The following PHACTR1 variants were observed in gnomAD, a reference collection of about 807,000 sequenced individuals.
PHACTR1 encodes phosphatase and actin regulator 1.
PHACTR1 carries 16 observed loss-of-function variants against 69.2 expected under a neutral mutation model. The observed-to-expected ratio is 0.23, with a 90% CI of 0.16 to 0.35. The LOEUF (loss-of-function observed/expected upper bound fraction) is 0.35. Among genes scored for constraint, PHACTR1 ranks in the 10% least tolerant of loss-of-function variants. The pLI is 1.00. For synonymous variants in PHACTR1, 312 were observed against 284.5 expected (o/e 1.10, Z -0.97); for missense variants, 510 against 734.7 (o/e 0.69, Z 3.54).
At chr6:12,803,692 G>A (rs1773963865) in intron 4 of PHACTR1, among the ~76,000 whole-genome samples, 1 of 152,102 alleles carries the variant, frequency 6.6e-6, no homozygotes, top group African/African-American at 2.4e-5. Flanking sequence ...CTCAACTTTG[G>A]CACTATTGAC....
intron 4 of PHACTR1, among the ~76,000 whole-genome samples, chr6:12,899,104 G>A (rs11751243): frequency 0.02 from 3,074 of 152,236 alleles, 48 homozygotes; most frequent in Middle Eastern, 0.041. Context: ...GCACCTGTGC[G>A]TGCTTCCCTC....
At chr6:13,120,426 G>T (rs73723388) in intron 5 of PHACTR1, among the ~76,000 whole-genome samples, 2 of 152,202 alleles carry the variant, frequency 1.3e-5, no homozygotes, top group Admixed American at 6.5e-5. Context: ...GGAAAATGAT[G>T]ATCTTAAATG....
At chr6:13,098,142 A>G (rs1290856862) in intron 5 of PHACTR1, among the ~76,000 whole-genome samples, 1 of 152,176 alleles carries the variant, frequency 6.6e-6, no homozygotes, top group Non-Finnish European at 1.5e-5. Context: ...GGCTACTAGT[A>G]GTTTCACCTC....
chr6:13,140,552 T>C (rs753679016), intron 5 of PHACTR1, among the ~76,000 whole-genome samples: 1 of 152,168 alleles, frequency 6.6e-6, no homozygotes, highest in Non-Finnish European at 1.5e-5. Flanking sequence ...ACAAATACTG[T>C]ATGATTCCAC....
At chr6:13,041,861 C>A (rs1804231861) in intron 4 of PHACTR1, among the ~76,000 whole-genome samples, 1 of 152,150 alleles carries the variant, frequency 6.6e-6, no homozygotes, top group Non-Finnish European at 1.5e-5. Context: ...TGGACCACGG[C>A]AACTTTGTGT....
chr6:12,925,298 C>T (rs967112753), intron 4 of PHACTR1, among the ~76,000 whole-genome samples: 1 of 152,122 alleles, frequency 6.6e-6, no homozygotes, highest in African/African-American at 2.4e-5. Context: ...AAATTTTTTT[C>T]TGCCATCTTT....
chr6:13,064,877 A>G (rs1157137870), intron 5 of PHACTR1, among the ~76,000 whole-genome samples: 1 of 151,932 alleles, frequency 6.6e-6, no homozygotes, highest in Non-Finnish European at 1.5e-5. Context: ...TAACTAATAT[A>G]TAGGAATAGA....
intron 4 of PHACTR1, among the ~76,000 whole-genome samples, chr6:12,778,490 G>A (rs1770376798): frequency 6.6e-6 from 1 of 152,168 alleles, no homozygotes; most frequent in African/African-American, 2.4e-5. Context: ...TTTACTTGGT[G>A]CAAATAAATC....
At chr6:12,955,629 C>G (rs771988763) in intron 4 of PHACTR1, among the ~76,000 whole-genome samples, 1 of 152,144 alleles carries the variant, frequency 6.6e-6, no homozygotes, top group Non-Finnish European at 1.5e-5. Flanking sequence ...TGTCTCACCA[C>G]CTGATGTTTT....
At chr6:12,819,371 T>A (rs966096869) in intron 4 of PHACTR1, among the ~76,000 whole-genome samples, 2 of 152,226 alleles carry the variant, frequency 1.3e-5, no homozygotes, top group Admixed American at 6.5e-5. Flanking sequence ...GTAGCTCTTG[T>A]GGTGAACACT....
chr6:13,254,191 G>A (rs544249688), intron 10 of PHACTR1, among the ~76,000 whole-genome samples: 2 of 152,130 alleles, frequency 1.3e-5, no homozygotes, highest in South Asian at 2.1e-4. Flanking sequence ...TTGCAACACC[G>A]CACTCCAGCC....
intron 5 of PHACTR1, among the ~76,000 whole-genome samples, chr6:13,104,350 G>A (rs574873926): frequency 1.3e-5 from 2 of 152,098 alleles, no homozygotes; most frequent in South Asian, 2.1e-4. Flanking sequence ...AAATATATAC[G>A]CAAGATCATA....
chr6:13,053,382 C>T lies in PHACTR1; in HGVS notation c.268C>T (p.Leu90=). 6.2e-7 allele frequency: 1 copy of T among 1,609,888 alleles called. No homozygotes were observed. Among genetic ancestry groups the T allele is most frequent in the Non-Finnish European group, 8.5e-7 (1 of 1,177,786 alleles). ...NLGAAEEVER[L]AAMRSDSLVP... ...ATAACAAGCTGAGGAAGTGGAGAGGCTGGCGGCGATGCGTTCTGACTCCCT... is the reference window on the plus strand; with the variant it reads ...ATAACAAGCTGAGGAAGTGGAGAGGTTGGCGGCGATGCGTTCTGACTCCCT... Residue 90 remains leucine (L), a synonymous_variant, in exon 5 of 15, where the codon CTG becomes TTG. Transcript: ENST00000332995.
chr6:12,808,958 A>G (rs1561902406), intron 4 of PHACTR1, among the ~76,000 whole-genome samples: 1 of 151,626 alleles, frequency 6.6e-6, no homozygotes, highest in East Asian at 1.9e-4. Context: ...GCTCACTGCA[A>G]CCTTCACTTC....
At chr6:12,863,479 G>A (rs1209640110) in intron 4 of PHACTR1, among the ~76,000 whole-genome samples, 2 of 152,204 alleles carry the variant, frequency 1.3e-5, no homozygotes, top group Non-Finnish European at 2.9e-5. Flanking sequence ...ACTTTTGAAG[G>A]AGACACAAAC....
At chr6:12,753,362 T>C (rs575742593) in intron 4 of PHACTR1, among the ~76,000 whole-genome samples, 2 of 152,312 alleles carry the variant, frequency 1.3e-5, no homozygotes, top group Admixed American at 6.5e-5. Context: ...GATTACCTGA[T>C]ACATAGAAGC....
chr6:13,001,977 C>T (rs567773034), intron 4 of PHACTR1, among the ~76,000 whole-genome samples: 15 of 152,296 alleles, frequency 9.8e-5, no homozygotes, highest in Non-Finnish European at 1.3e-4. Context: ...TTTGTTGACT[C>T]GTTCATTCCT....
chr6:13,073,900 T>G (rs1371366455), intron 5 of PHACTR1, among the ~76,000 whole-genome samples: 3 of 149,242 alleles, frequency 2.0e-5, no homozygotes, highest in Non-Finnish European at 3.0e-5. Flanking sequence ...TGAGATGGAG[T>G]CTTGCCGTGT....
chr6:12,985,266 T>C (rs1434352631), intron 4 of PHACTR1, among the ~76,000 whole-genome samples: 1 of 107,094 alleles, frequency 9.3e-6, no homozygotes, highest in Non-Finnish European at 1.8e-5. Context: ...TCTCGAACCA[T>C]AGGAAAAATT....
Sources: gnomAD v4.1 joint callset for allele counts (sites outside exome capture counted in the v4.1 genomes callset) on GRCh38, gnomAD v4.1.1 for gene constraint, MANE v1.5 for transcripts, NCBI Gene and HGNC (gene_info 2026-07-23, HGNC 2026-07-21) for gene names.